NSMCE2: variants seen among roughly 807,000 people sequenced by gnomAD.
NSMCE2 encodes E3 SUMO-protein ligase NSE2.
Under a neutral mutation model 23.8 loss-of-function variants are expected in NSMCE2, and 24 were observed. The observed-to-expected ratio is 1.01, with a 90% CI of 0.73 to 1.42. The LOEUF (loss-of-function observed/expected upper bound fraction) is 1.42. NSMCE2 is among the 40% of genes most tolerant of loss of function. NSMCE2 has a pLI of 0.00. For missense variants in NSMCE2, 284 were observed against 296.5 expected, an observed-to-expected ratio of 0.96 and a Z score of 0.31; for synonymous variants, 92 against 94.1, an observed-to-expected ratio of 0.98 and a Z score of 0.13.
At chr8:125,302,041 T>C (rs999251499) in intron 5 of NSMCE2, among the ~76,000 whole-genome samples, 1 of 151,806 alleles carries the variant, frequency 6.6e-6, no homozygotes, top group African/African-American at 2.4e-5. Context: ...CTCACTCAAA[T>C]TCTGCCTCCC....
intron 5 of NSMCE2, among the ~76,000 whole-genome samples, chr8:125,353,754 A>G (rs1349676623): frequency 6.6e-6 from 1 of 151,608 alleles, no homozygotes; most frequent in Non-Finnish European, 1.5e-5. Context: ...CTGGTGGTGG[A>G]CGCCTGTAGT....
chr8:125,238,752 G>A (rs1293355343), intron 5 of NSMCE2, among the ~76,000 whole-genome samples: 1 of 152,028 alleles, frequency 6.6e-6, no homozygotes, highest in Non-Finnish European at 1.5e-5. Flanking sequence ...ATTTCAGATA[G>A]GATAATACAG....
intron 5 of NSMCE2, among the ~76,000 whole-genome samples, chr8:125,223,129 G>C (rs1023773462): frequency 5.9e-5 from 9 of 151,512 alleles, no homozygotes; most frequent in Non-Finnish European, 1.3e-4. Flanking sequence ...ACTTTGAGAG[G>C]CTGAGGCAGG....
At chr8:125,232,230 G>T (rs1383698517) in intron 5 of NSMCE2, among the ~76,000 whole-genome samples, 2 of 152,102 alleles carry the variant, frequency 1.3e-5, no homozygotes, top group East Asian at 1.9e-4. Flanking sequence ...GGATGTGGTG[G>T]TGCATGCCTG....
At chr8:125,262,440 A>C (rs901133202) in intron 5 of NSMCE2, among the ~76,000 whole-genome samples, 1 of 152,100 alleles carries the variant, frequency 6.6e-6, no homozygotes, top group African/African-American at 2.4e-5. Flanking sequence ...TAAATAAATA[A>C]ATAGTATACA....
chr8:125,195,709 T>A (rs987937454), intron 5 of NSMCE2, among the ~76,000 whole-genome samples: 6 of 152,124 alleles, frequency 3.9e-5, no homozygotes, highest in Non-Finnish European at 8.8e-5. Flanking sequence ...CAACCCACTT[T>A]ACAGTATTTT....
chr8:125,123,461 A>T (rs1819363994), intron 3 of NSMCE2, among the ~76,000 whole-genome samples: 1 of 152,264 alleles, frequency 6.6e-6, no homozygotes, highest in Non-Finnish European at 1.5e-5. Context: ...AATCCTATGA[A>T]AATGAAGGAG....
At chr8:125,150,908 C>A (rs1223542631) in intron 3 of NSMCE2, among the ~76,000 whole-genome samples, 2 of 152,120 alleles carry the variant, frequency 1.3e-5, no homozygotes, top group African/African-American at 2.4e-5. Context: ...TAATACAAGT[C>A]TTTTCTTCTT....
At chr8:125,098,345 G>A (rs1818033786) in intron 1 of NSMCE2, among the ~76,000 whole-genome samples, 1 of 152,174 alleles carries the variant, frequency 6.6e-6, no homozygotes, top group Non-Finnish European at 1.5e-5. Flanking sequence ...GGTGACACTT[G>A]GTCAGGAACC....
intron 4 of NSMCE2, among the ~76,000 whole-genome samples, chr8:125,164,208 C>T (rs545825765): frequency 6.6e-6 from 1 of 152,304 alleles, no homozygotes; most frequent in Admixed American, 6.5e-5. Context: ...TTAATAAGCA[C>T]AGTGACCTTA....
intron 5 of NSMCE2, among the ~76,000 whole-genome samples, chr8:125,205,587 A>G (rs550547145): frequency 2.0e-5 from 3 of 152,246 alleles, no homozygotes; most frequent in East Asian, 1.9e-4. Context: ...CCATAACCCT[A>G]CTTCAAAAAC....
chr8:125,178,608 C>T (rs1045625955), intron 4 of NSMCE2, among the ~76,000 whole-genome samples: 16 of 152,178 alleles, frequency 1.1e-4, no homozygotes, highest in Non-Finnish European at 2.2e-4. Context: ...TGGTGGCTGA[C>T]GCCTGTAATC....
chr8:125,234,846 A>G (rs1190554978), intron 5 of NSMCE2, among the ~76,000 whole-genome samples: 1 of 152,070 alleles, frequency 6.6e-6, no homozygotes, highest in Non-Finnish European at 1.5e-5. Flanking sequence ...GGTCTACTCA[A>G]AACACAACTC....
At chr8:125,207,228 C>T (rs940693089) in intron 5 of NSMCE2, among the ~76,000 whole-genome samples, 1 of 151,426 alleles carries the variant, frequency 6.6e-6, no homozygotes, top group South Asian at 2.1e-4. Context: ...TTTTCCTCTC[C>T]CAGAAATTGG....
At chr8:125,148,942 T>C (rs1244689255) in intron 3 of NSMCE2, among the ~76,000 whole-genome samples, 1 of 152,198 alleles carries the variant, frequency 6.6e-6, no homozygotes, top group Non-Finnish European at 1.5e-5. Flanking sequence ...TTCTTTATCA[T>C]GAAACAATAT....
chr8:125,253,564 A>T (rs1023809734), intron 5 of NSMCE2, among the ~76,000 whole-genome samples: 1 of 152,166 alleles, frequency 6.6e-6, no homozygotes, highest in Non-Finnish European at 1.5e-5. Flanking sequence ...GTAGTTTCTC[A>T]GATGTTATAC....
chr8:125,179,380 G>A (rs1822672012), intron 4 of NSMCE2, among the ~76,000 whole-genome samples: 1 of 151,866 alleles, frequency 6.6e-6, no homozygotes, highest in African/African-American at 2.4e-5. Context: ...AGAAAAGAGG[G>A]GCATCTTTAT....
chr8:125,233,912 C>T (rs560482776), intron 5 of NSMCE2, among the ~76,000 whole-genome samples: 2 of 150,762 alleles, frequency 1.3e-5, no homozygotes, highest in Non-Finnish European at 2.9e-5. Context: ...CATGGTGGCT[C>T]ATGCCTGTAA....
chr8:125,189,263 T>C (rs749674739), intron 5 of NSMCE2, among the ~76,000 whole-genome samples: 10 of 152,196 alleles, frequency 6.6e-5, no homozygotes, highest in Non-Finnish European at 1.0e-4. Flanking sequence ...AGCAGACATG[T>C]TTATCCCTTA....
Sources: gnomAD v4.1 joint callset for allele counts (sites outside exome capture counted in the v4.1 genomes callset) on GRCh38, gnomAD v4.1.1 for gene constraint, MANE v1.5 for transcripts, NCBI Gene and HGNC (gene_info 2026-07-23, HGNC 2026-07-21) for gene names.